RBFOX3: variants seen among roughly 807,000 people sequenced by gnomAD.
RBFOX3 encodes RNA binding protein fox-1 homolog 3.
In RBFOX3, 17 loss-of-function variants were observed where a neutral mutation model predicts 48.7. The observed-to-expected ratio is 0.35, with a 90% CI of 0.24 to 0.52. The LOEUF is 0.52. RBFOX3 is among the 20% of genes least tolerant of loss of function. The pLI, the probability that RBFOX3 is intolerant of heterozygous loss-of-function variation, is 0.94. For missense variants in RBFOX3, 382 were observed against 497.5 expected (o/e 0.77, Z 2.21); for synonymous variants, 212 against 209.5 (o/e 1.01, Z -0.10).
chr17:79,632,772 C>G, the RBFOX3 span, among the ~76,000 whole-genome samples: 1 of 148,986 alleles, frequency 6.7e-6, no homozygotes, highest in Non-Finnish European at 1.5e-5. Flanking sequence ...GTTAGCAAGG[C>G]CTGATGGTGC....
chr17:79,261,726 C>T (rs868132318), intron 3 of RBFOX3, among the ~76,000 whole-genome samples: 6 of 152,304 alleles, frequency 3.9e-5, no homozygotes, highest in South Asian at 4.1e-4. Flanking sequence ...TATCCCATCC[C>T]GCACTGGTCG....
At chr17:79,585,087 C>T (rs1394013544) in intron 1 of RBFOX3, among the ~76,000 whole-genome samples, 1 of 151,980 alleles carries the variant, frequency 6.6e-6, no homozygotes, top group East Asian at 1.9e-4. Flanking sequence ...TTTGGGGACT[C>T]TGGGGAAAGT....
At chr17:79,370,806 A>G (rs2058435359) in intron 2 of RBFOX3, among the ~76,000 whole-genome samples, 1 of 152,030 alleles carries the variant, frequency 6.6e-6, no homozygotes, top group South Asian at 2.1e-4. Context: ...TTGCAGTCAC[A>G]CTCACTCACA....
intron 4 of RBFOX3, among the ~76,000 whole-genome samples, chr17:79,159,051 G>A (rs2046405590): frequency 6.6e-6 from 1 of 152,212 alleles, no homozygotes; most frequent in African/African-American, 2.4e-5. Context: ...AGACACCAAG[G>A]CCACCCAGGC....
chr17:79,099,812 AAAT>A (rs2076084512), intron 9 of RBFOX3: 1 of 152,198 alleles, frequency 6.6e-6, no homozygotes, highest in South Asian at 2.1e-4. Flanking sequence ...TTTCTACCGT[AAAT>A]AGTTAACACC....
At chr17:79,558,597 G>A (rs938184977) in intron 1 of RBFOX3, among the ~76,000 whole-genome samples, 4 of 152,124 alleles carry the variant, frequency 2.6e-5, no homozygotes, top group Non-Finnish European at 4.4e-5. Context: ...CTTCCCTCCC[G>A]GCCGGGCTCC....
At chr17:79,179,883 G>A (rs2051480860) in intron 4 of RBFOX3, among the ~76,000 whole-genome samples, 1 of 152,212 alleles carries the variant, frequency 6.6e-6, no homozygotes, top group African/African-American at 2.4e-5. Flanking sequence ...CCTAGGAGGG[G>A]TCAGATGTTG....
intron 3 of RBFOX3, among the ~76,000 whole-genome samples, chr17:79,294,221 G>A (rs1461664523): frequency 1.3e-5 from 2 of 152,222 alleles, no homozygotes; most frequent in African/African-American, 2.4e-5. Flanking sequence ...CAGAATCCTG[G>A]ACTGGAGAGC....
chr17:79,166,855 G>A (rs1340400969), intron 4 of RBFOX3, among the ~76,000 whole-genome samples: 1 of 152,222 alleles, frequency 6.6e-6, no homozygotes, highest in Non-Finnish European at 1.5e-5. Flanking sequence ...TTGCACAACT[G>A]TGAATTCCTT....
chr17:79,191,400 G>A (rs532858744), intron 4 of RBFOX3, among the ~76,000 whole-genome samples: 46 of 152,288 alleles, frequency 3.0e-4, no homozygotes, highest in Admixed American at 2.1e-3. Flanking sequence ...AAAAGCAACC[G>A]CAAGGCCTCG....
chr17:79,406,475 C>T (rs1474492535), intron 2 of RBFOX3, among the ~76,000 whole-genome samples: 2 of 152,278 alleles, frequency 1.3e-5, no homozygotes, highest in Middle Eastern at 3.4e-3. Context: ...CCTGGGCTGG[C>T]GAGGATGAGG....
chr17:79,493,009 T>C (rs772832896), intron 1 of RBFOX3, among the ~76,000 whole-genome samples: 1 of 152,086 alleles, frequency 6.6e-6, no homozygotes, highest in Admixed American at 6.5e-5. Flanking sequence ...TGAGGCTGGG[T>C]CATTTATCAA....
intron 2 of RBFOX3, among the ~76,000 whole-genome samples, chr17:79,440,869 C>G (rs2070758204): frequency 6.6e-6 from 1 of 152,194 alleles, no homozygotes; most frequent in Non-Finnish European, 1.5e-5. Context: ...TCAGAGGCCT[C>G]CTGGTCTTCC....
At chr17:79,292,229 G>A (rs1002640532) in intron 3 of RBFOX3, among the ~76,000 whole-genome samples, 26 of 152,154 alleles carry the variant, frequency 1.7e-4, no homozygotes, top group African/African-American at 3.6e-4. Flanking sequence ...ACAGCTTCAG[G>A]TGAGGACTAA....
At chr17:79,520,229 C>T (rs911353458) in intron 1 of RBFOX3, among the ~76,000 whole-genome samples, 11 of 152,320 alleles carry the variant, frequency 7.2e-5, no homozygotes, top group Admixed American at 1.3e-4. Context: ...AGTGTGACAA[C>T]GCCCCAGGCG....
At chr17:79,144,289 C>T (rs1036688603) in intron 4 of RBFOX3, among the ~76,000 whole-genome samples, 10 of 152,252 alleles carry the variant, frequency 6.6e-5, no homozygotes, top group Admixed American at 2.0e-4. Flanking sequence ...GCTCTACCCC[C>T]GCCCCATGGC....
intron 1 of RBFOX3, among the ~76,000 whole-genome samples, chr17:79,558,925 G>A (rs918804582): frequency 1.1e-3 from 161 of 152,214 alleles, no homozygotes; most frequent in Non-Finnish European, 7.1e-4. Flanking sequence ...TGGATTCAAC[G>A]TGGGCAGGTG....
At chr17:79,411,756 G>C (rs1157987903) in intron 2 of RBFOX3, among the ~76,000 whole-genome samples, 1 of 152,226 alleles carries the variant, frequency 6.6e-6, no homozygotes, top group Non-Finnish European at 1.5e-5. Context: ...CACCCGTGTT[G>C]GACAAGCCAG....
chr17:79,276,764 TGCACCG>T (rs1317005373), intron 3 of RBFOX3, among the ~76,000 whole-genome samples: 3 of 152,170 alleles, frequency 2.0e-5, no homozygotes, highest in African/African-American at 7.2e-5. Flanking sequence ...CTTCAGCTGC[TGCACCG>T]GCCAGGCATG....
Sources: gnomAD v4.1 joint callset for allele counts (sites outside exome capture counted in the v4.1 genomes callset) on GRCh38, gnomAD v4.1.1 for gene constraint, MANE v1.5 for transcripts, NCBI Gene and HGNC (gene_info 2026-07-23, HGNC 2026-07-21) for gene names.